Variants in ASCC3 observed in about 807,000 individuals in gnomAD.
ASCC3 encodes the protein activating signal cointegrator 1 complex subunit 3, also known as ASC-1 complex subunit P200.
ASCC3 carries 158 observed loss-of-function variants against 256.3 expected under a neutral mutation model. That is an observed-to-expected ratio of 0.62 (90% CI 0.54 to 0.70). The LOEUF is 0.70. ASCC3 is among the 30% of genes least tolerant of loss of function. The pLI, the probability that ASCC3 is intolerant of heterozygous loss-of-function variation, is 0.00. For synonymous variants in ASCC3, 948 were observed against 883.4 expected (o/e 1.07, Z -1.30); for missense variants, 2,259 against 2,626.0 (o/e 0.86, Z 3.05).
At chr6:100,837,740 G>T (rs557405560) in intron 4 of ASCC3, among the ~76,000 whole-genome samples, 1 of 152,164 alleles carries the variant, frequency 6.6e-6, no homozygotes, top group South Asian at 2.1e-4. Flanking sequence ...GATTGGGGGT[G>T]GAGGGAGAAC....
intron 8 of ASCC3, among the ~76,000 whole-genome samples, chr6:100,773,847 T>C (rs1483221313): frequency 6.6e-6 from 1 of 152,166 alleles, no homozygotes; most frequent in East Asian, 1.9e-4. Context: ...ACTGCATACA[T>C]AATGTCCTCC....
At chr6:100,858,843 G>A in intron 3 of ASCC3, 5 of 535,378 alleles carry the variant, frequency 9.3e-6, no homozygotes, top group Middle Eastern at 6.3e-4. Context: ...TTTCTCCAAC[G>A]GCCCCAAAAA....
chr6:100,599,903 T>C (rs927785372), intron 34 of ASCC3, among the ~76,000 whole-genome samples: 11 of 152,056 alleles, frequency 7.2e-5, no homozygotes, highest in African/African-American at 2.2e-4. Flanking sequence ...AAAATCGACA[T>C]TATATTCTTT....
At chr6:100,640,798 ATC>A (rs1444595552) in intron 24 of ASCC3, among the ~76,000 whole-genome samples, 1 of 152,174 alleles carries the variant, frequency 6.6e-6, no homozygotes, top group Non-Finnish European at 1.5e-5. Flanking sequence ...AGTATAAAGT[ATC>A]TCTCTTTAAG....
At chr6:100,763,831 A>C (rs1582827033) in intron 10 of ASCC3, among the ~76,000 whole-genome samples, 13 of 152,140 alleles carry the variant, frequency 8.5e-5, no homozygotes, top group Admixed American at 8.5e-4. Context: ...GCAGGGCTGC[A>C]CTCTCATCAG....
chr6:100,578,813 CTGTTT>C (rs1771025505), intron 36 of ASCC3, among the ~76,000 whole-genome samples: 1 of 152,040 alleles, frequency 6.6e-6, no homozygotes, highest in Non-Finnish European at 1.5e-5. Context: ...AATGGTAGTT[CTGTTT>C]TAAGTTCTTT....
chr6:100,736,271 G>A (rs984572030), intron 10 of ASCC3, among the ~76,000 whole-genome samples: 2 of 152,080 alleles, frequency 1.3e-5, no homozygotes, highest in African/African-American at 2.4e-5. Flanking sequence ...CTGAGAGGCC[G>A]AGGCAGGCAG....
intron 10 of ASCC3, among the ~76,000 whole-genome samples, chr6:100,763,806 G>A (rs1291818707): frequency 2.0e-5 from 3 of 152,250 alleles, no homozygotes; most frequent in Admixed American, 2.0e-4. Context: ...GCTTATTGGG[G>A]CTGCACTCTC....
intron 13 of ASCC3, among the ~76,000 whole-genome samples, chr6:100,714,320 A>G (rs1360918191): frequency 2.6e-5 from 4 of 152,172 alleles, no homozygotes; most frequent in African/African-American, 9.7e-5. Context: ...TTGGCATTTT[A>G]TATTTCTTTA....
chr6:100,723,891 T>TA, intron 11 of ASCC3, among the ~76,000 whole-genome samples: 1 of 122,452 alleles, frequency 8.2e-6, no homozygotes, highest in South Asian at 2.5e-4. Flanking sequence ...TATATATATA[T>TA]ATATATTTAT....
chr6:100,784,311 AT>A (rs11310276), intron 8 of ASCC3, among the ~76,000 whole-genome samples: 2,216 of 152,260 alleles, frequency 0.015, 47 homozygotes, highest in African/African-American at 0.051. Flanking sequence ...GGTAATGTTT[AT>A]ATCTTCAAAT....
intron 4 of ASCC3, among the ~76,000 whole-genome samples, chr6:100,846,990 C>T (rs1204511783): frequency 6.6e-6 from 1 of 152,008 alleles, no homozygotes; most frequent in Non-Finnish European, 1.5e-5. Context: ...AATAAGCATA[C>T]AATAAATATA....
At chr6:100,662,664 C>T (rs1395502723) in intron 14 of ASCC3, 128 bp from the exon 15 acceptor site, 2 of 805,428 alleles carry the variant, frequency 2.5e-6, no homozygotes, top group Admixed American at 4.6e-5. Context: ...ATTACTAGGT[C>T]TTAGTATATA....
At chr6:100,719,093 C>A (rs932090335) in intron 11 of ASCC3, among the ~76,000 whole-genome samples, 1 of 152,088 alleles carries the variant, frequency 6.6e-6, no homozygotes, top group East Asian at 1.9e-4. Context: ...AATCTGTAGG[C>A]ACTAGGGATG....
intron 8 of ASCC3, among the ~76,000 whole-genome samples, chr6:100,781,378 T>C (rs973490720): frequency 6.6e-6 from 1 of 152,034 alleles, no homozygotes; most frequent in African/African-American, 2.4e-5. Flanking sequence ...CACTTGTTTT[T>C]TTGTTTCGTT....
At chr6:100,665,034 T>C (rs1321520622) in intron 14 of ASCC3, among the ~76,000 whole-genome samples, 1 of 152,202 alleles carries the variant, frequency 6.6e-6, no homozygotes, top group Non-Finnish European at 1.5e-5. Flanking sequence ...TGGCTAGGAC[T>C]GCTGTGGCAC....
At chr6:100,649,718 T>G (rs1775560390) in intron 20 of ASCC3, among the ~76,000 whole-genome samples, 1 of 151,606 alleles carries the variant, frequency 6.6e-6, no homozygotes, top group Non-Finnish European at 1.5e-5. Context: ...GCAGAATCAT[T>G]TCCATATTTA....
chr6:100,840,498 T>TGGCGTAAGAGTC (rs1772090069), intron 4 of ASCC3, among the ~76,000 whole-genome samples: 1 of 66,786 alleles, frequency 1.5e-5, no homozygotes, highest in Non-Finnish European at 5.0e-5. Context: ...CTTTTTTTTT[T>TGGCGTAAGAGTC]TTTTTTTTTT....
At chr6:100,870,400 T>C (rs1314644616) in intron 1 of ASCC3, among the ~76,000 whole-genome samples, 2 of 151,778 alleles carry the variant, frequency 1.3e-5, no homozygotes, top group Non-Finnish European at 2.9e-5. Context: ...AAGCGCAGTC[T>C]CTGCCATACA....
Sources: gnomAD v4.1 joint callset for allele counts (sites outside exome capture counted in the v4.1 genomes callset) on GRCh38, gnomAD v4.1.1 for gene constraint, MANE v1.5 for transcripts, NCBI Gene and HGNC (gene_info 2026-07-23, HGNC 2026-07-21) for gene names.